PARD6G: variants seen among roughly 807,000 people sequenced by gnomAD.
PARD6G encodes the protein partitioning defective 6 homolog gamma.
PARD6G carries 7 observed loss-of-function variants against 10.7 expected under a neutral mutation model. The ratio of observed to expected loss-of-function variants is 0.66; its 90% confidence interval spans 0.37 to 1.23. The LOEUF (loss-of-function observed/expected upper bound fraction) is 1.23. PARD6G is among the 50% of genes most tolerant of loss of function. The pLI is 0.02. For missense variants in PARD6G, 548 were observed against 571.8 expected (o/e 0.96, Z 0.42); for synonymous variants, 287 against 269.4 (o/e 1.07, Z -0.64).
intron 1 of PARD6G, among the ~76,000 whole-genome samples, chr18:80,212,687 T>C (rs369917078): frequency 7.9e-5 from 12 of 151,924 alleles, no homozygotes; most frequent in South Asian, 6.2e-4. Context: ...AGATCGAGAC[T>C]AGCCTGACCA....
At chr18:80,211,983 G>A (rs111309929) in intron 1 of PARD6G, among the ~76,000 whole-genome samples, 4,314 of 152,106 alleles carry the variant, frequency 0.028, 93 homozygotes, top group Non-Finnish European at 0.042. Context: ...TGATGGCTGC[G>A]TAACAATATG....
chr18:80,221,240 C>T (rs1010206476), intron 1 of PARD6G, among the ~76,000 whole-genome samples: 5 of 151,988 alleles, frequency 3.3e-5, no homozygotes, highest in Admixed American at 3.3e-4. Context: ...ATATCAAAAC[C>T]AGAAAAAGAC....
chr18:80,216,407 A>G (rs1967166636), intron 1 of PARD6G, among the ~76,000 whole-genome samples: 2 of 152,158 alleles, frequency 1.3e-5, no homozygotes, highest in African/African-American at 4.8e-5. Context: ...AAGGACTGAA[A>G]TCATACAAAG....
At chr18:80,238,336 T>C (rs1967448809) in intron 1 of PARD6G, among the ~76,000 whole-genome samples, 1 of 151,950 alleles carries the variant, frequency 6.6e-6, no homozygotes, top group Admixed American at 6.6e-5. Flanking sequence ...TACTGGGGCC[T>C]GTTGTGGGGT....
At chr18:80,204,653 A>T (rs1279662674) in intron 1 of PARD6G, among the ~76,000 whole-genome samples, 1 of 152,142 alleles carries the variant, frequency 6.6e-6, no homozygotes, top group Non-Finnish European at 1.5e-5. Flanking sequence ...GGGACAATTC[A>T]AAATACTGGC....
chr18:80,172,117 C>G (rs1001297828), intron 2 of PARD6G, among the ~76,000 whole-genome samples: 1 of 152,166 alleles, frequency 6.6e-6, no homozygotes, highest in Non-Finnish European at 1.5e-5. Context: ...AGACTGTTTT[C>G]TACAGCGGTT....
In PARD6G at chr18:80,228,781, G is replaced by T. The variant is rs1022635245; in HGVS notation, c.72+18496C>A. 5.3e-5 allele frequency among the ~76,000 whole-genome samples: 8 copies of T among 152,206 alleles called. No homozygotes were observed. Among genetic ancestry groups the T allele is most frequent in the Non-Finnish European group, 8.8e-5 (6 of 68,048 alleles). ...AGGCCCCCACCCCAGGCCTACAGGT[G>T]AGAACAGTGAACAACTGCAGGTGAT... On this transcript the variant is annotated intron_variant, in intron 1 of 2. Coordinates refer to ENST00000353265, the MANE Select transcript of PARD6G (RefSeq NM_032510.4). This position sits in a 1 kb window ranked among gnomAD's most constrained non-coding sequence, Gnocchi z 4.6.
intron 1 of PARD6G, among the ~76,000 whole-genome samples, chr18:80,221,058 A>G (rs938509665): frequency 5.3e-5 from 8 of 152,146 alleles, no homozygotes; most frequent in African/African-American, 1.7e-4. Flanking sequence ...AAGATATTGA[A>G]TTATCTCTTG....
intron 1 of PARD6G, among the ~76,000 whole-genome samples, chr18:80,234,829 C>T (rs555757613): frequency 5.5e-4 from 84 of 152,170 alleles, no homozygotes; most frequent in African/African-American, 1.9e-3. Flanking sequence ...ATATATGCAC[C>T]CAATACAGGA....
Position 80,181,706 on chromosome 18 carries a change from T to G in PARD6G, c.295+21004A>C, listed in dbSNP as rs1396144131. 6.6e-6 allele frequency among the ~76,000 whole-genome samples: 1 copy of G among 152,098 alleles called. No individual in the cohort carries two copies. The highest frequency in any genetic ancestry group is 1.5e-5 in the Non-Finnish European group (1 of 68,006). On this transcript the variant is annotated intron_variant, in intron 2 of 2. Transcript: ENST00000353265. This position sits in a 1 kb window ranked among gnomAD's most constrained non-coding sequence, Gnocchi z 7.9. ...CTGCTGCCAACCTGGAGCCTGGCCC[T>G]TCCCTCCTTCCTGGCTGGAAGCTGC...
At chr18:80,242,678 T>C (rs1599880693) in intron 1 of PARD6G, among the ~76,000 whole-genome samples, 1 of 152,276 alleles carries the variant, frequency 6.6e-6, no homozygotes, top group East Asian at 1.9e-4. Flanking sequence ...ATTGGAAACA[T>C]TGCGAACAAG....
chr18:80,196,335 C>T lies in PARD6G; in HGVS notation c.295+6375G>A, dbSNP rs534667052. Among the ~76,000 whole-genome samples the T allele has an allele frequency of 6.6e-5, 10 of 152,182 alleles. No homozygotes were observed. In the South Asian group the frequency reaches 1.7e-3, roughly 25 times the overall value. ...TGCCAAAATGCAAAAGTCATTGCCT[C>T]GGGGTGGTGGGATTGCTTCCATGTC... On this transcript the variant is annotated intron_variant, in intron 2 of 2. Transcript: ENST00000353265.
At chr18:80,185,077 C>T (rs941653141) in intron 2 of PARD6G, 1 of 152,198 alleles carries the variant, frequency 6.6e-6, no homozygotes, top group Non-Finnish European at 1.5e-5. Flanking sequence ...AATCTTTTCT[C>T]TGCTTTTAAT....
intron 1 of PARD6G, among the ~76,000 whole-genome samples, chr18:80,236,670 C>T (rs188492397): frequency 9.9e-4 from 150 of 152,274 alleles, no homozygotes; most frequent in Non-Finnish European, 1.7e-3. Flanking sequence ...GGTACAAAAT[C>T]GATGTGCAGA....
chr18:80,235,158 C>G (rs920036320), intron 1 of PARD6G, among the ~76,000 whole-genome samples: 9 of 152,166 alleles, frequency 5.9e-5, no homozygotes, highest in Non-Finnish European at 1.0e-4. Context: ...AACAAACTGT[C>G]TCTCAGACCA....
At chr18:80,217,868 T>C (rs945418310) in intron 1 of PARD6G, among the ~76,000 whole-genome samples, 6 of 152,106 alleles carry the variant, frequency 3.9e-5, no homozygotes, top group Admixed American at 3.9e-4. Flanking sequence ...ACAATCATGG[T>C]GGAAGGGGAA....
intron 2 of PARD6G, among the ~76,000 whole-genome samples, chr18:80,177,306 TA>T (rs1314044866): frequency 2.6e-5 from 3 of 113,600 alleles, no homozygotes; most frequent in Non-Finnish European, 5.2e-5. Context: ...ACACACGGGA[TA>T]AATCACAGCC....
At chr18:80,179,277 G>A (rs560688055) in intron 2 of PARD6G, among the ~76,000 whole-genome samples, 71 of 149,298 alleles carry the variant, frequency 4.8e-4, no homozygotes, top group South Asian at 2.4e-3. Context: ...GTAAACCCCC[G>A]GCGCTGAAGT....
At chr18:80,171,037 TTCTCTATTATTTC>T (rs1159188136) in intron 2 of PARD6G, 1 of 152,120 alleles carries the variant, frequency 6.6e-6, no homozygotes, top group Non-Finnish European at 1.5e-5. Context: ...TTGGTCCTGG[TTCTCTATTATTTC>T]TCTCTATTAA....
Sources: gnomAD v4.1 joint callset for allele counts (sites outside exome capture counted in the v4.1 genomes callset) on GRCh38, gnomAD v4.1.1 for gene constraint, Gnocchi (gnomAD v3.1) non-coding constraint, MANE v1.5 for transcripts, NCBI Gene and HGNC (gene_info 2026-07-23, HGNC 2026-07-21) for gene names.